Variants in YEATS2 observed in about 807,000 individuals in gnomAD.
YEATS2 encodes YEATS domain containing 2.
Under a neutral mutation model 163.2 loss-of-function variants are expected in YEATS2, and 77 were observed. That is an observed-to-expected ratio of 0.47 (90% confidence interval 0.39 to 0.57). The LOEUF is 0.57. YEATS2 is among the 20% of genes least tolerant of loss of function. The probability of loss-of-function intolerance (pLI) is 0.00; values close to 1 mark genes in which losing one functional copy is unlikely to be tolerated. For missense variants in YEATS2, 1,549 were observed against 1,729.8 expected (o/e 0.90, Z 1.85); for synonymous variants, 631 against 645.1 (o/e 0.98, Z 0.33).
At chr3:183,707,676 C>CTTTT (rs1577029221) in intron 1 of YEATS2, among the ~76,000 whole-genome samples, 1 of 141,146 alleles carries the variant, frequency 7.1e-6, no homozygotes, top group African/African-American at 2.9e-5. Flanking sequence ...CCTTCCCCAC[C>CTTTT]TATTTTTTTT....
chr3:183,748,430 A>G (rs1029896235), intron 9 of YEATS2, among the ~76,000 whole-genome samples: 1 of 150,568 alleles, frequency 6.6e-6, no homozygotes, highest in Non-Finnish European at 1.5e-5. Context: ...TTTTGTATTC[A>G]TAGTAGAGAC....
intron 19 of YEATS2, among the ~76,000 whole-genome samples, chr3:183,778,849 G>A (rs1723274720): frequency 1.3e-5 from 2 of 152,042 alleles, no homozygotes; most frequent in Non-Finnish European, 2.9e-5. Context: ...AGCCATATTA[G>A]CCTGGAGTTT....
At chr3:183,789,525 A>ATTTTTTTTTTTTTTTTTTTTTTTTT (rs143473253) in intron 20 of YEATS2, among the ~76,000 whole-genome samples, 1 of 66,350 alleles carries the variant, frequency 1.5e-5, no homozygotes, top group African/African-American at 6.8e-5. Context: ...ATTCGAGTTA[A>ATTTTTTTTTTTTTTTTTTTTTTTTT]TTTTTTTTTT....
At chr3:183,763,386 T>C (rs1223906591) in intron 15 of YEATS2, among the ~76,000 whole-genome samples, 2 of 152,238 alleles carry the variant, frequency 1.3e-5, no homozygotes, top group African/African-American at 4.8e-5. Flanking sequence ...TACAGTGTTA[T>C]AATCTTATGG....
intron 15 of YEATS2, among the ~76,000 whole-genome samples, chr3:183,771,424 A>G (rs1252205056): frequency 6.6e-6 from 1 of 151,768 alleles, no homozygotes; most frequent in African/African-American, 2.4e-5. Context: ...TTGTTTTAAA[A>G]ACACTCCTGA....
At chr3:183,702,739 CAG>C (rs1714230449) in intron 1 of YEATS2, among the ~76,000 whole-genome samples, 1 of 151,408 alleles carries the variant, frequency 6.6e-6, no homozygotes, top group Non-Finnish European at 1.5e-5. Context: ...GAGGCTGAGA[CAG>C]GAGAATTTCT....
intron 15 of YEATS2, among the ~76,000 whole-genome samples, chr3:183,771,559 T>A (rs1194870909): frequency 7.1e-6 from 1 of 140,336 alleles, no homozygotes; most frequent in Non-Finnish European, 1.5e-5. Context: ...TTTTTTTTTT[T>A]TTTTTTCTTT....
chr3:183,717,074 G>A (rs972586532), intron 2 of YEATS2, among the ~76,000 whole-genome samples: 1 of 151,908 alleles, frequency 6.6e-6, no homozygotes, highest in Admixed American at 6.6e-5. Context: ...TGTATTTTTG[G>A]TAGAGACGGG....
At chr3:183,706,228 G>GCC (rs927416556) in intron 1 of YEATS2, among the ~76,000 whole-genome samples, 45 of 151,890 alleles carry the variant, frequency 3.0e-4, no homozygotes, top group Non-Finnish European at 1.0e-4. Context: ...GATAGAAGGA[G>GCC]CCATGATTCC....
At chr3:183,714,281 T>C (rs1473524960) in intron 1 of YEATS2, among the ~76,000 whole-genome samples, 5 of 151,202 alleles carry the variant, frequency 3.3e-5, no homozygotes, top group Non-Finnish European at 7.4e-5. Context: ...CTGCAAGCTC[T>C]GCCTCCTGGG....
chr3:183,766,779 A>G (rs1721948960), intron 15 of YEATS2, among the ~76,000 whole-genome samples: 1 of 152,012 alleles, frequency 6.6e-6, no homozygotes, highest in Admixed American at 6.6e-5. Context: ...CAGCAATCCC[A>G]CCTCAGTCTC....
In YEATS2 at chr3:183,705,482, T is replaced by C. The variant is rs572024817; in HGVS notation, c.-20+7489T>C. Among the ~76,000 whole-genome samples, 3 of 152,372 alleles carry C rather than the reference T, an allele frequency of 2.0e-5. No homozygotes were observed. In the South Asian group the frequency reaches 6.2e-4, roughly 32 times the overall value. On this transcript the variant is annotated intron_variant, in intron 1 of 30. Transcript: ENST00000305135. ...ATTGTTGGATGTATAGTTTAAGATG[T>C]ATTTTTGTGATTGTGCCTTTAATAA...
At chr3:183,743,221 A>G (rs1284330839) in intron 8 of YEATS2, among the ~76,000 whole-genome samples, 7 of 152,192 alleles carry the variant, frequency 4.6e-5, no homozygotes, top group Admixed American at 2.0e-4. Context: ...GTAGAAAAAT[A>G]AAACAAAAGA....
intron 8 of YEATS2, among the ~76,000 whole-genome samples, chr3:183,743,145 CA>C (rs1304523426): frequency 6.6e-6 from 1 of 151,958 alleles, no homozygotes; most frequent in East Asian, 1.9e-4. Context: ...ATTGAATCTG[CA>C]ATTATCTCTG....
At chr3:183,796,936 A>G (rs1052764988) in intron 21 of YEATS2, among the ~76,000 whole-genome samples, 1 of 152,102 alleles carries the variant, frequency 6.6e-6, no homozygotes, top group Admixed American at 6.6e-5. Context: ...GGACGAGGAT[A>G]CTTAATCATT....
chr3:183,772,432 T>C lies in YEATS2; in HGVS notation c.2075T>C (p.Val692Ala). Reference sequence around the variant, plus strand: ...TCCAAAGCAGTTGGGCCAAAGCAAGTTGTAACCCAAGGAGTTGCCAAAGCA... The same window carrying C: ...TCCAAAGCAGTTGGGCCAAAGCAAGCTGTAACCCAAGGAGTTGCCAAAGCA... ...SVSKAVGPKQVVTQGVAKAIV... is the reference protein window; with the variant it reads ...SVSKAVGPKQAVTQGVAKAIV... The change falls in exon 16 of 31, where the codon GTT becomes GCT. Residue 692 changes from valine (V) to alanine (A), a missense_variant. Val to Ala is a moderately conservative substitution (Grantham distance 64). Coordinates refer to ENST00000305135, the MANE Select transcript of YEATS2 (RefSeq NM_018023.5). The C allele has an allele frequency of 6.2e-7, 1 of 1,614,138 alleles. No homozygotes were observed. The highest frequency in any genetic ancestry group is 8.5e-7 in the Non-Finnish European group (1 of 1,180,020).
At chr3:183,749,218 C>T (rs1235783605) in intron 9 of YEATS2, among the ~76,000 whole-genome samples, 3 of 152,176 alleles carry the variant, frequency 2.0e-5, no homozygotes, top group Non-Finnish European at 4.4e-5. Flanking sequence ...GCTGGGATTA[C>T]AGGCGTGAGC....
chr3:183,769,045 G>T (rs1722196590), intron 15 of YEATS2, among the ~76,000 whole-genome samples: 3 of 152,086 alleles, frequency 2.0e-5, no homozygotes, highest in Admixed American at 2.0e-4. Flanking sequence ...GAGAGCCGGG[G>T]GTGATTTCTT....
intron 1 of YEATS2, among the ~76,000 whole-genome samples, chr3:183,698,386 T>C (rs1335441864): frequency 6.6e-6 from 1 of 152,048 alleles, no homozygotes; most frequent in African/African-American, 2.4e-5. Context: ...CTCCAACCTG[T>C]CGCCATCCCC....
Sources: allele counts gnomAD v4.1 joint callset (sites outside exome capture counted in the v4.1 genomes callset), GRCh38; gene constraint gnomAD v4.1.1; transcripts MANE v1.5; gene names NCBI Gene and HGNC (gene_info 2026-07-23, HGNC 2026-07-21).